ITGA9: variants seen among roughly 807,000 people sequenced by gnomAD.
The protein encoded by ITGA9 is integrin subunit alpha 9.
A neutral mutation model predicts 127.8 loss-of-function variants in ITGA9; 56 were observed. That is an observed-to-expected ratio of 0.44 (90% CI 0.35 to 0.55). The LOEUF is 0.55. Among genes scored for constraint, ITGA9 ranks in the 20% least tolerant of loss-of-function variants. The pLI, the probability that ITGA9 is intolerant of heterozygous loss-of-function variation, is 0.00. For synonymous variants in ITGA9, 508 were observed against 514.5 expected (o/e 0.99, Z 0.17); for missense variants, 1,196 against 1,347.1 (o/e 0.89, Z 1.76).
intron 23 of ITGA9, among the ~76,000 whole-genome samples, chr3:37,760,213 A>G (rs1275028543): frequency 6.6e-6 from 1 of 151,548 alleles, no homozygotes; most frequent in Non-Finnish European, 1.5e-5. Context: ...CGGTGAGCCG[A>G]GATCACACCA....
In ITGA9 at chr3:37,523,631, A is replaced by G. The variant is rs1232314841; in HGVS notation, c.1327+20A>G. On this transcript the variant is annotated intron_variant, in intron 12 of 27. Coordinates refer to ENST00000264741, the MANE Select transcript of ITGA9 (RefSeq NM_002207.3). ...ATCCTGGTAAGCTGTTTTTCTTTAA[A>G]GGCACATGAGATAAATGAAGATAAA... The G allele has an allele frequency of 6.6e-7, 1 of 1,521,314 alleles. No homozygotes were observed. The allele number at this position is 1,521,314 out of a possible 1,614,324, so 94.2% of individuals were successfully genotyped here.
chr3:37,616,106 CT>C (rs1426132286), intron 15 of ITGA9, among the ~76,000 whole-genome samples: 1 of 152,206 alleles, frequency 6.6e-6, no homozygotes. Flanking sequence ...GCATTTAGTG[CT>C]GTAAATTTCC....
intron 27 of ITGA9, among the ~76,000 whole-genome samples, chr3:37,812,133 A>G (rs887067670): frequency 3.8e-4 from 58 of 152,200 alleles, no homozygotes; most frequent in African/African-American, 1.4e-3. Context: ...GCTTGCACAC[A>G]CACCCTTCAC....
rs540725366 is a variant in ITGA9 at position 37,744,588 on chromosome 3, C to T, written c.2433+554C>T. Among the ~76,000 whole-genome samples, 26 of 152,340 alleles carry T rather than the reference C, an allele frequency of 1.7e-4. No homozygotes were observed. In the East Asian group the frequency reaches 4.4e-3, roughly 26 times the overall value. On this transcript the variant is annotated intron_variant, in intron 22 of 27. Coordinates refer to ENST00000264741, the MANE Select transcript of ITGA9 (RefSeq NM_002207.3). ...CTGGCTTGCCCAGGCACACAGGCAT[C>T]ATTTCCAGCAAGTCCACTTGGTGTA...
intron 15 of ITGA9, among the ~76,000 whole-genome samples, chr3:37,582,061 A>C (rs1699714869): frequency 6.6e-6 from 1 of 152,228 alleles, no homozygotes; most frequent in Admixed American, 6.5e-5. Context: ...GACAGCAATT[A>C]GAGGCAGGCA....
In ITGA9 at chr3:37,512,134, C is replaced by CT. The variant is rs759805622; in HGVS notation, c.898-1625dup. 1.2e-3 allele frequency among the ~76,000 whole-genome samples: 12 copies of CT among 10,362 alleles called. 1 individual carries two copies. Among genetic ancestry groups the CT allele is most frequent in the African/African-American group, 4.3e-3 (12 of 2,806 alleles). 6.8% of individuals were successfully genotyped at this position (10,362 alleles called of 152,430 possible). A position where few individuals can be genotyped will look rare whatever the true frequency, so the allele number is the denominator to read the frequency against. On this transcript the variant is annotated intron_variant, in intron 8 of 27. Transcript: ENST00000264741. ...CTTCCTTCCTTCTTTCTTTTCTTTT[C>CT]TTTTCTTTTCTTTTCTTTTCTTTTC...
At chr3:37,552,944 G>A (rs1469856837) in intron 15 of ITGA9, among the ~76,000 whole-genome samples, 1 of 151,774 alleles carries the variant, frequency 6.6e-6, no homozygotes, top group Non-Finnish European at 1.5e-5. Flanking sequence ...GAATCTGGTA[G>A]GCGGAGGTTG....
At chr3:37,512,181 TTTC>T (rs1698935703) in intron 8 of ITGA9, among the ~76,000 whole-genome samples, 1 of 62,066 alleles carries the variant, frequency 1.6e-5, no homozygotes, top group African/African-American at 9.0e-5. Flanking sequence ...TTTCTTTTCT[TTTC>T]TTTTCTTTTC....
chr3:37,542,358 GA>G (rs1264807689), intron 14 of ITGA9, 66 bp from the exon 15 acceptor site: 51 of 1,554,558 alleles, frequency 3.3e-5, no homozygotes, highest in Non-Finnish European at 4.4e-5. Context: ...CTGTGACAAG[GA>G]AAAGAGGTGG....
intron 18 of ITGA9, among the ~76,000 whole-genome samples, chr3:37,721,025 T>C (rs561593071): frequency 6.6e-6 from 1 of 152,000 alleles, no homozygotes; most frequent in East Asian, 1.9e-4. Context: ...TTTGATCACA[T>C]AATTGCTTCT....
chr3:37,506,409 C>T (rs1276249821), intron 7 of ITGA9, among the ~76,000 whole-genome samples: 2 of 152,172 alleles, frequency 1.3e-5, no homozygotes, highest in Non-Finnish European at 2.9e-5. Context: ...TTAGTGCTGT[C>T]CAACTTCAAA....
chr3:37,773,086 T>C (rs1314435227), intron 23 of ITGA9, among the ~76,000 whole-genome samples: 1 of 152,204 alleles, frequency 6.6e-6, no homozygotes, highest in Non-Finnish European at 1.5e-5. Context: ...CAGATGACAG[T>C]GCTAGCTCTT....
chr3:37,747,585 T>C (rs564951837), intron 22 of ITGA9, among the ~76,000 whole-genome samples: 1 of 139,302 alleles, frequency 7.2e-6, no homozygotes, highest in South Asian at 2.3e-4. Flanking sequence ...ATCCCTCTAC[T>C]CTCTGTCTGC....
At chr3:37,579,871 A>G (rs1438118140) in intron 15 of ITGA9, among the ~76,000 whole-genome samples, 3 of 152,188 alleles carry the variant, frequency 2.0e-5, no homozygotes, top group African/African-American at 7.2e-5. Flanking sequence ...CTTGCCTCCC[A>G]TATCCCTCAC....
At chr3:37,795,049 A>G (rs1199909468) in intron 26 of ITGA9, among the ~76,000 whole-genome samples, 2 of 152,260 alleles carry the variant, frequency 1.3e-5, no homozygotes, top group Non-Finnish European at 1.5e-5. Flanking sequence ...TGGAATCAGA[A>G]TCGGGTGGAA....
intron 13 of ITGA9, among the ~76,000 whole-genome samples, chr3:37,531,765 T>G (rs1007589175): frequency 6.6e-6 from 1 of 152,158 alleles, no homozygotes; most frequent in Non-Finnish European, 1.5e-5. Flanking sequence ...GTTTGCACAT[T>G]TATTATGGGA....
At chr3:37,805,362 T>A (rs1697283352) in intron 27 of ITGA9, among the ~76,000 whole-genome samples, 4 of 152,204 alleles carry the variant, frequency 2.6e-5, no homozygotes, top group Middle Eastern at 3.4e-3. Context: ...ATTTGATTTA[T>A]TAATCTGGGA....
intron 26 of ITGA9, among the ~76,000 whole-genome samples, chr3:37,786,601 A>C (rs913915789): frequency 6.6e-6 from 1 of 152,000 alleles, no homozygotes; most frequent in Non-Finnish European, 1.5e-5. Flanking sequence ...TCAAAAAAAC[A>C]AAAAACAAAC....
Position 37,629,291 on chromosome 3 carries a change from A to C in ITGA9, c.1794A>C (p.Pro598=). 1 of 1,614,140 alleles carries C rather than the reference A, an allele frequency of 6.2e-7. No individual in the cohort carries two copies. The highest frequency in any genetic ancestry group is 1.7e-4 in the Middle Eastern group (1 of 6,050). Residue 598 remains proline (P), a synonymous_variant, in exon 16 of 28, where the codon CCA becomes CCC. Transcript: ENST00000264741. The surrounding 1 kb of genome is among the most constrained non-coding windows in gnomAD (Gnocchi z 4.5). ...AGAGGGAACTGCCGCCTCTGACACC[A>C]GTTCTCCGCTGGAAAAAGGGACAAA... ...EEERELPPLT[P]VLRWKKGQKI... is the part of the protein sequence containing the mutation.
Sources: gnomAD v4.1 joint callset for allele counts (sites outside exome capture counted in the v4.1 genomes callset) on GRCh38, gnomAD v4.1.1 for gene constraint, Gnocchi (gnomAD v3.1) non-coding constraint, MANE v1.5 for transcripts, NCBI Gene and HGNC (gene_info 2026-07-23, HGNC 2026-07-21) for gene names.